Variants in SH3RF2 observed in about 807,000 individuals in gnomAD.
SH3RF2 encodes E3 ubiquitin-protein ligase SH3RF2.
In SH3RF2, 43 loss-of-function variants were observed where a neutral mutation model predicts 59.0. That is an observed-to-expected ratio of 0.73 (90% CI 0.57 to 0.94). SH3RF2 has a LOEUF of 0.94. SH3RF2 is among the 40% of genes least tolerant of loss of function. The pLI, the probability that SH3RF2 is intolerant of heterozygous loss-of-function variation, is 0.00. For missense variants in SH3RF2, 930 were observed against 940.1 expected, an observed-to-expected ratio of 0.99 and a Z score of 0.14; for synonymous variants, 391 against 391.5, an observed-to-expected ratio of 1.00 and a Z score of 0.01.
At chr5:145,987,063 C>A (rs967106396) in intron 2 of SH3RF2, among the ~76,000 whole-genome samples, 32 of 152,024 alleles carry the variant, frequency 2.1e-4, no homozygotes, top group African/African-American at 6.8e-4. Context: ...GAAAAGGGAG[C>A]CTATGATGTC....
chr5:145,953,804 G>C (rs1758287508), intron 2 of SH3RF2, among the ~76,000 whole-genome samples: 1 of 152,128 alleles, frequency 6.6e-6, no homozygotes, highest in Admixed American at 6.5e-5. Flanking sequence ...GTGAGAACAT[G>C]CCGTATTTGG....
rs745484007 is a variant in SH3RF2 at position 146,060,100 on chromosome 5, C to T, written c.1790C>T (p.Ala597Val). Reference sequence around the variant, plus strand: ...AGTGAGGCCTGGATCCACTCCGCGGCCAGCTCCCTCATTATGGAAGACAAA... The same window carrying T: ...AGTGAGGCCTGGATCCACTCCGCGGTCAGCTCCCTCATTATGGAAGACAAA... ...RGSEAWIHSAASSLIMEDKEI... is the reference protein window; with the variant it reads ...RGSEAWIHSAVSSLIMEDKEI... The change falls in exon 9 of 10, where the codon GCC becomes GTC. Residue 597 changes from alanine (A) to valine (V), a missense_variant. Coordinates refer to ENST00000359120, the MANE Select transcript of SH3RF2 (RefSeq NM_152550.4). The T allele has an allele frequency of 1.9e-6, 3 of 1,614,020 alleles. No homozygotes were observed. Among genetic ancestry groups the T allele is most frequent in the East Asian group, 2.2e-5 (1 of 44,884 alleles).
intron 5 of SH3RF2, among the ~76,000 whole-genome samples, chr5:146,041,921 A>C (rs552571741): frequency 6.6e-6 from 1 of 152,224 alleles, no homozygotes; most frequent in South Asian, 2.1e-4. Context: ...ACAAAGCAAG[A>C]CCCTGTCTCA....
intron 2 of SH3RF2, among the ~76,000 whole-genome samples, chr5:145,973,538 G>A (rs967344230): frequency 2.6e-5 from 4 of 152,310 alleles, no homozygotes; most frequent in Admixed American, 2.6e-4. Context: ...AGAAGGATGA[G>A]AAGTCATTGA....
intron 9 of SH3RF2, among the ~76,000 whole-genome samples, 167 bp from the exon 10 acceptor site, chr5:146,062,259 G>C (rs935561712): frequency 6.6e-6 from 1 of 152,128 alleles, no homozygotes; most frequent in East Asian, 1.9e-4. Context: ...ATGCTCCTCT[G>C]CATTCTCAGC....
At chr5:146,053,388 T>A (rs1311014792) in intron 7 of SH3RF2, among the ~76,000 whole-genome samples, 1 of 151,926 alleles carries the variant, frequency 6.6e-6, no homozygotes, top group African/African-American at 2.4e-5. Context: ...AGCGGCAACA[T>A]CCCTTTGGGT....
At chr5:145,967,963 C>T (rs57413099) in intron 2 of SH3RF2, among the ~76,000 whole-genome samples, 11,837 of 152,056 alleles carry the variant, frequency 0.078, 1,551 homozygotes, top group African/African-American at 0.27. Flanking sequence ...CCCAGCCCTA[C>T]GGTGAGTTAT....
intron 5 of SH3RF2, among the ~76,000 whole-genome samples, chr5:146,037,265 A>C (rs1761969521): frequency 6.6e-6 from 1 of 152,142 alleles, no homozygotes; most frequent in Non-Finnish European, 1.5e-5. Context: ...GCTCAGAGGG[A>C]TTAAGTCTGA....
At chr5:145,953,124 TCACACA>T (rs3221819) in intron 2 of SH3RF2, among the ~76,000 whole-genome samples, 6 of 148,810 alleles carry the variant, frequency 4.0e-5, no homozygotes, top group Non-Finnish European at 7.5e-5. Context: ...TCTCTCTCTG[TCACACA>T]CACACACACA....
chr5:145,973,680 G>GT (rs1389273278), intron 2 of SH3RF2, among the ~76,000 whole-genome samples: 1 of 152,172 alleles, frequency 6.6e-6, no homozygotes, highest in African/African-American at 2.4e-5. Context: ...GTTCTTTGTG[G>GT]TTTTTTTGTT....
intron 2 of SH3RF2, among the ~76,000 whole-genome samples, chr5:145,947,462 G>T (rs1758041099): frequency 1.3e-5 from 2 of 152,190 alleles, no homozygotes; most frequent in Admixed American, 1.3e-4. Context: ...ATGAGATGAT[G>T]CCTATAAAGT....
rs542574922 is a variant in SH3RF2 at position 146,054,502 on chromosome 5, A to G, written c.1323-1479A>G. Among the ~76,000 whole-genome samples the G allele has an allele frequency of 2.8e-3, 433 of 152,260 alleles. 2 individuals are homozygous for G. Among genetic ancestry groups the G allele is most frequent in the Non-Finnish European group, 4.9e-3 (330 of 68,020 alleles). ...TCTGGCATGGAAGCCAATGCTGGAG[A>G]TTTCTTCCCACTGCCCAGGCCTTGT... On this transcript the variant is annotated intron_variant, in intron 7 of 9. Transcript: ENST00000359120.
At chr5:145,943,320 A>AGCCAGGG (rs1428415206) in intron 2 of SH3RF2, among the ~76,000 whole-genome samples, 7 of 152,008 alleles carry the variant, frequency 4.6e-5, no homozygotes, top group Non-Finnish European at 1.0e-4. Flanking sequence ...GGTCAGTGGT[A>AGCCAGGG]GCCAGGGGTT....
chr5:146,064,772 AAG>A (rs1763038899), downstream of SH3RF2, among the ~76,000 whole-genome samples: 6 of 46,048 alleles, frequency 1.3e-4, no homozygotes, highest in Admixed American at 2.3e-4. Flanking sequence ...GGAAGGAAGG[AAG>A]GAAAGGAAGG....
intron 2 of SH3RF2, among the ~76,000 whole-genome samples, chr5:145,995,816 A>G (rs796353439): frequency 8.9e-4 from 135 of 152,330 alleles, no homozygotes; most frequent in African/African-American, 3.2e-3. Flanking sequence ...AGTCTACATA[A>G]TTATTCTTAA....
intron 8 of SH3RF2, among the ~76,000 whole-genome samples, chr5:146,057,449 A>G (rs566889431): frequency 6.6e-6 from 1 of 152,348 alleles, no homozygotes; most frequent in South Asian, 2.1e-4. Context: ...TCTTCTGTAA[A>G]TGGGAAATAA....
intron 7 of SH3RF2, 84 bp downstream of exon 7, chr5:146,049,329 C>T (rs1580919628): frequency 6.9e-7 from 1 of 1,457,980 alleles, no homozygotes; most frequent in East Asian, 2.3e-5. Flanking sequence ...GTGGAAGACC[C>T]AGTGCTCTTT....
intron 2 of SH3RF2, among the ~76,000 whole-genome samples, chr5:145,972,493 C>A (rs1251170923): frequency 6.6e-6 from 1 of 152,178 alleles, no homozygotes; most frequent in African/African-American, 2.4e-5. Flanking sequence ...CTTGCCCACT[C>A]GTAGTACTTG....
chr5:145,979,804 G>A (rs1220454603), intron 2 of SH3RF2, among the ~76,000 whole-genome samples: 2 of 152,128 alleles, frequency 1.3e-5, no homozygotes, highest in African/African-American at 4.8e-5. Flanking sequence ...CTTTTATTGA[G>A]TATTTATATC....
Sources: gnomAD v4.1 joint callset for allele counts (sites outside exome capture counted in the v4.1 genomes callset) on GRCh38, gnomAD v4.1.1 for gene constraint, MANE v1.5 for transcripts, NCBI Gene and HGNC (gene_info 2026-07-23, HGNC 2026-07-21) for gene names.